The following FRMD6 variants were observed in gnomAD, a reference collection of about 807,000 sequenced individuals.
FRMD6 encodes the protein FERM domain containing 6.
In FRMD6, 37 loss-of-function variants were observed where a neutral mutation model predicts 73.2. The ratio of observed to expected loss-of-function variants is 0.51; its 90% CI spans 0.39 to 0.66. The LOEUF is 0.66. Among genes scored for constraint, FRMD6 ranks in the 30% least tolerant of loss-of-function variants. FRMD6 has a pLI of 0.00. For missense variants in FRMD6, 714 were observed against 780.5 expected (o/e 0.91, Z 1.02); for synonymous variants, 273 against 282.2 (o/e 0.97, Z 0.33).
intron 2 of FRMD6, among the ~76,000 whole-genome samples, chr14:51,590,254 G>A (rs1212541927): frequency 1.3e-5 from 2 of 152,214 alleles, no homozygotes; most frequent in Admixed American, 1.3e-4. Flanking sequence ...GCAGAATGAT[G>A]GTGAGATTTT....
chr14:51,708,389 C>T (rs567469067), intron 7 of FRMD6, 156 bp downstream of exon 7: 48 of 723,502 alleles, frequency 6.6e-5, no homozygotes, highest in South Asian at 1.6e-4. Context: ...TGTTATCGCA[C>T]GTCAGTCTTG....
chr14:51,508,893 T>C (rs902401616), intron 1 of FRMD6, among the ~76,000 whole-genome samples: 1 of 152,016 alleles, frequency 6.6e-6, no homozygotes, highest in Non-Finnish European at 1.5e-5. Context: ...GGTCTTTTCC[T>C]GTTTCTTTCC....
intron 1 of FRMD6, among the ~76,000 whole-genome samples, chr14:51,551,088 T>G (rs1886799152): frequency 6.6e-6 from 1 of 152,144 alleles, no homozygotes; most frequent in South Asian, 2.1e-4. Flanking sequence ...GTAGTTTCTG[T>G]CCATCCCTGA....
intron 9 of FRMD6, chr14:51,714,072 A>G (rs985168464): frequency 6.6e-5 from 10 of 152,102 alleles, no homozygotes; most frequent in African/African-American, 2.4e-4. Flanking sequence ...CTATTTTGAC[A>G]AGTTTCTCAG....
the FRMD6 span, among the ~76,000 whole-genome samples, chr14:51,430,623 C>CA: frequency 1.8e-3 from 272 of 150,428 alleles, 8 homozygotes; most frequent in South Asian, 0.054. Context: ...CAAAAAACAA[C>CA]AAAAAAAACC....
intron 2 of FRMD6, among the ~76,000 whole-genome samples, chr14:51,641,383 T>C (rs1891801810): frequency 6.6e-6 from 1 of 152,214 alleles, no homozygotes; most frequent in African/African-American, 2.4e-5. Flanking sequence ...GGGTCTTCAC[T>C]ATTGTTTAAT....
intron 1 of FRMD6, among the ~76,000 whole-genome samples, chr14:51,515,196 C>T (rs1289019588): frequency 6.6e-6 from 1 of 152,166 alleles, no homozygotes; most frequent in Non-Finnish European, 1.5e-5. Context: ...TTCTAAATAC[C>T]AAGGCAGTTG....
the FRMD6 span, among the ~76,000 whole-genome samples, chr14:51,415,335 T>C: frequency 6.6e-6 from 1 of 152,258 alleles, no homozygotes; most frequent in Non-Finnish European, 1.5e-5. Flanking sequence ...GTTCCATCAA[T>C]GCCTATTTTA....
chr14:51,404,777 T>A, the FRMD6 span, among the ~76,000 whole-genome samples: 244 of 152,346 alleles, frequency 1.6e-3, 1 homozygote, highest in African/African-American at 5.5e-3. Flanking sequence ...TAATTCTTTT[T>A]AAAAATTTTT....
intron 2 of FRMD6, among the ~76,000 whole-genome samples, chr14:51,577,570 G>A (rs1888472797): frequency 6.6e-6 from 1 of 152,164 alleles, no homozygotes; most frequent in Admixed American, 6.5e-5. Flanking sequence ...ACGTCAATTT[G>A]ATAATTGCTA....
chr14:51,411,700 A>G, the FRMD6 span, among the ~76,000 whole-genome samples: 2 of 152,246 alleles, frequency 1.3e-5, no homozygotes, highest in African/African-American at 4.8e-5. Context: ...GTTTTGATTT[A>G]GAACCAGGAG....
intron 2 of FRMD6, among the ~76,000 whole-genome samples, chr14:51,571,749 G>C (rs973202395): frequency 3.3e-5 from 5 of 152,076 alleles, no homozygotes; most frequent in Admixed American, 1.3e-4. Context: ...GATACTAATA[G>C]ACTGTACTAG....
chr14:51,422,274 TCAACAGTAG>T, the FRMD6 span, among the ~76,000 whole-genome samples: 5 of 152,280 alleles, frequency 3.3e-5, no homozygotes, highest in African/African-American at 1.2e-4. Context: ...ATCATCATCA[TCAACAGTAG>T]CAACAGTAAT....
At chr14:51,681,291 T>C (rs1894777328) in intron 1 of FRMD6, among the ~76,000 whole-genome samples, 1 of 152,198 alleles carries the variant, frequency 6.6e-6, no homozygotes, top group Non-Finnish European at 1.5e-5. Context: ...TTTCAAGATA[T>C]GATAAAATAG....
intron 2 of FRMD6, among the ~76,000 whole-genome samples, chr14:51,574,191 C>A (rs958677872): frequency 6.6e-6 from 1 of 152,118 alleles, no homozygotes; most frequent in Non-Finnish European, 1.5e-5. Flanking sequence ...CCTCTCTGAC[C>A]TTAGCCACCA....
intron 2 of FRMD6, among the ~76,000 whole-genome samples, chr14:51,644,071 G>C (rs1891936598): frequency 1.3e-5 from 2 of 151,892 alleles, no homozygotes. Context: ...ATTTGAATTA[G>C]ATCCACTGAT....
chr14:51,531,113 T>C (rs529449279), intron 1 of FRMD6, among the ~76,000 whole-genome samples: 1 of 152,284 alleles, frequency 6.6e-6, no homozygotes, highest in East Asian at 1.9e-4. Flanking sequence ...TGGTAGAGCC[T>C]TCATGACCTC....
rs183683544 is a variant in FRMD6, at chr14:51,610,720, A to G, written c.-147+40310A>G. Among the ~76,000 whole-genome samples the G allele has an allele frequency of 8.5e-5, 13 of 152,344 alleles. No individual in the cohort carries two copies. The East Asian group carries it at 2.5e-3, about 29-fold the overall frequency. ...ATTTTGTGTAGAAAAGGGAAATAAT[A>G]CTATAACTTTCAGTTTTGAAAAAGT... is the stretch of plus-strand genomic sequence containing the variant. On this transcript the variant is annotated intron_variant, in intron 2 of 14. Coordinates refer to the FRMD6 transcript ENST00000356218.
intron 4 of FRMD6, among the ~76,000 whole-genome samples, chr14:51,702,187 G>A (rs1320657916): frequency 5.9e-5 from 9 of 152,022 alleles, no homozygotes; most frequent in Admixed American, 5.9e-4. Flanking sequence ...AGGGAACAGA[G>A]CTGAGCGAGG....
Sources: allele counts gnomAD v4.1 joint callset (sites outside exome capture counted in the v4.1 genomes callset), GRCh38; gene constraint gnomAD v4.1.1; transcripts MANE v1.5; gene names NCBI Gene and HGNC (gene_info 2026-07-23, HGNC 2026-07-21).